FOCAD: variants seen among roughly 807,000 people sequenced by gnomAD.
FOCAD encodes focadhesin.
A neutral mutation model predicts 225.6 loss-of-function variants in FOCAD; 198 were observed. The ratio of observed to expected loss-of-function variants is 0.88; its 90% confidence interval spans 0.78 to 0.99. The LOEUF is 0.99. Among genes scored for constraint, FOCAD ranks in the 50% least tolerant of loss-of-function variants. The probability of loss-of-function intolerance (pLI) is 0.00; values close to 1 mark genes in which losing one functional copy is unlikely to be tolerated. For missense variants in FOCAD, 2,713 were observed against 2,123.6 expected (o/e 1.28, Z -5.46); for synonymous variants, 897 against 755.0 (o/e 1.19, Z -3.08).
At chr9:20,802,155 T>C (rs1217098807) in intron 11 of FOCAD, among the ~76,000 whole-genome samples, 20 of 152,152 alleles carry the variant, frequency 1.3e-4, no homozygotes, top group Admixed American at 1.2e-3. Flanking sequence ...GGCAGGCTTA[T>C]GGTATATTGA....
chr9:20,801,133 G>A (rs1332351076), intron 11 of FOCAD, among the ~76,000 whole-genome samples: 2 of 152,036 alleles, frequency 1.3e-5, no homozygotes, highest in East Asian at 3.9e-4. Flanking sequence ...TGTTTGCCTG[G>A]GTATCAGCAG....
chr9:20,981,963 G>A (rs766888015), intron 38 of FOCAD, among the ~76,000 whole-genome samples: 5 of 152,176 alleles, frequency 3.3e-5, no homozygotes, highest in African/African-American at 4.8e-5. Flanking sequence ...TGTAGAAGAC[G>A]AGAAGGCTCA....
At position 20,995,744 on chromosome 9, in the gene FOCAD, G is replaced by C. The variant is rs993552643; in HGVS notation, c.*115G>C. Reference sequence around the variant, plus strand: ...CTGAGACATGATGCAGAGAGTTAAGGGTCATGAAAAGATGGCCACATCACT... The same window carrying C: ...CTGAGACATGATGCAGAGAGTTAAGCGTCATGAAAAGATGGCCACATCACT... On this transcript the variant is annotated 3_prime_UTR_variant, in exon 44 of 44. Transcript: ENST00000338382. 1.2e-5 allele frequency: 11 copies of C among 911,842 alleles called. No individual in the cohort carries two copies. The highest frequency in any genetic ancestry group is 1.7e-5 in the Non-Finnish European group (10 of 594,530). The allele number at this position is 911,842 out of a possible 1,614,324, so 56.5% of individuals were successfully genotyped here. A position where few individuals can be genotyped will look rare whatever the true frequency, so the allele number is the denominator to read the frequency against.
intron 21 of FOCAD, among the ~76,000 whole-genome samples, chr9:20,892,291 T>G (rs1021182924): frequency 3.9e-5 from 6 of 152,192 alleles, no homozygotes; most frequent in African/African-American, 1.4e-4. Context: ...AAGTCTTATT[T>G]GAGAAATGCA....
At chr9:20,835,227 G>T (rs1424455651) in intron 15 of FOCAD, among the ~76,000 whole-genome samples, 3 of 151,928 alleles carry the variant, frequency 2.0e-5, no homozygotes, top group Non-Finnish European at 4.4e-5. Flanking sequence ...ACAATGTTTG[G>T]TGTTTGGTGT....
chr9:20,792,987 A>G (rs1373461563), intron 11 of FOCAD, among the ~76,000 whole-genome samples: 1 of 152,212 alleles, frequency 6.6e-6, no homozygotes, highest in African/African-American at 2.4e-5. Flanking sequence ...AATATATTCT[A>G]TAAAAGAACT....
chr9:20,692,667 A>G (rs1323697724), intron 1 of FOCAD, among the ~76,000 whole-genome samples: 1 of 152,148 alleles, frequency 6.6e-6, no homozygotes, highest in African/African-American at 2.4e-5. Context: ...TCTCTGCTCT[A>G]CGTGGTCAGT....
At chr9:20,693,774 A>C (rs945139460) in intron 1 of FOCAD, among the ~76,000 whole-genome samples, 2 of 152,168 alleles carry the variant, frequency 1.3e-5, no homozygotes, top group African/African-American at 4.8e-5. Flanking sequence ...GCAGTGGCAC[A>C]ATCTTGGCTC....
chr9:20,990,090 T>G (rs1373647796), intron 41 of FOCAD, 33 bp from the exon 42 acceptor site: 2 of 1,610,866 alleles, frequency 1.2e-6, no homozygotes, highest in Admixed American at 1.7e-5. Flanking sequence ...TGTTAAAAAA[T>G]ATGACCTAAC....
chr9:20,922,884 A>G (rs1834580052), intron 24 of FOCAD, among the ~76,000 whole-genome samples: 1 of 152,196 alleles, frequency 6.6e-6, no homozygotes, highest in South Asian at 2.1e-4. Context: ...GGAATTATGG[A>G]ATAATATTAA....
chr9:20,990,245 T>C lies in FOCAD; in HGVS notation c.5127T>C (p.Ala1709=). 1.2e-6 allele frequency: 2 copies of C among 1,614,196 alleles called. No individual in the cohort carries two copies. The highest frequency in any genetic ancestry group is 1.7e-6 in the Non-Finnish European group (2 of 1,180,028). The change falls in exon 42 of 44, where the codon GCT becomes GCC. Residue 1709 remains alanine (A), a synonymous_variant. Coordinates refer to ENST00000338382, the MANE Select transcript of FOCAD (RefSeq NM_001375567.1). ...WLPWHQENGP[A]GPVPSFLGRS... ...CATGGCATCAGGAGAATGGCCCGGC[T>C]GGGCCAGTACCAAGCTTCCTTGGCA...
chr9:20,690,610 G>A (rs1170386342), intron 1 of FOCAD, among the ~76,000 whole-genome samples: 1 of 152,166 alleles, frequency 6.6e-6, no homozygotes, highest in East Asian at 1.9e-4. Context: ...GTGCAGTGGT[G>A]TGATCATAGC....
At chr9:20,729,710 G>A (rs1826512392) in intron 4 of FOCAD, among the ~76,000 whole-genome samples, 2 of 152,126 alleles carry the variant, frequency 1.3e-5, no homozygotes, top group Admixed American at 1.3e-4. Context: ...CTCTGCACTG[G>A]AACTGAATTT....
At chr9:20,939,826 A>G (rs1418463983) in intron 28 of FOCAD, among the ~76,000 whole-genome samples, 1 of 150,830 alleles carries the variant, frequency 6.6e-6, no homozygotes, top group Non-Finnish European at 1.5e-5. Flanking sequence ...ATATGTATAC[A>G]TGTGCCATGT....
chr9:20,693,348 G>T (rs984785835), intron 1 of FOCAD, among the ~76,000 whole-genome samples: 2 of 152,090 alleles, frequency 1.3e-5, no homozygotes, highest in African/African-American at 4.8e-5. Flanking sequence ...GCCTTTCCCT[G>T]ACCATCCTTT....
At chr9:20,977,760 A>G (rs955661890) in intron 36 of FOCAD, among the ~76,000 whole-genome samples, 4 of 152,240 alleles carry the variant, frequency 2.6e-5, no homozygotes, top group African/African-American at 7.2e-5. Context: ...TCTATATAAG[A>G]TATAATGTCA....
intron 2 of FOCAD, among the ~76,000 whole-genome samples, chr9:20,676,648 A>G (rs1315218644): frequency 1.3e-5 from 2 of 152,232 alleles, no homozygotes; most frequent in Non-Finnish European, 2.9e-5. Context: ...TGCAGGAGAT[A>G]TATTTTCCAA....
chr9:20,857,707 A>G (rs75629765), intron 15 of FOCAD, among the ~76,000 whole-genome samples: 1 of 149,748 alleles, frequency 6.7e-6, no homozygotes, highest in Admixed American at 6.7e-5. Flanking sequence ...TCAGTATTCT[A>G]CTAGCTGTTG....
intron 15 of FOCAD, among the ~76,000 whole-genome samples, chr9:20,857,932 G>A (rs1349500333): frequency 1.3e-5 from 2 of 151,812 alleles, no homozygotes; most frequent in African/African-American, 4.8e-5. Context: ...TTGCATCCCT[G>A]GGATGAATCC....
Sources: gnomAD v4.1 joint callset for allele counts (sites outside exome capture counted in the v4.1 genomes callset) on GRCh38, gnomAD v4.1.1 for gene constraint, MANE v1.5 for transcripts, NCBI Gene and HGNC (gene_info 2026-07-23, HGNC 2026-07-21) for gene names.